PAPPA2: variants seen among roughly 807,000 people sequenced by gnomAD.
PAPPA2 encodes the protein pappalysin-2.
Under a neutral mutation model 176.4 loss-of-function variants are expected in PAPPA2, and 86 were observed. The ratio of observed to expected loss-of-function variants is 0.49; its 90% CI spans 0.41 to 0.58. The LOEUF (loss-of-function observed/expected upper bound fraction) is 0.58. Ranked by LOEUF, PAPPA2 falls within the 20% of genes least tolerant of loss-of-function variation. The probability of loss-of-function intolerance (pLI) is 0.00; values close to 1 mark genes in which losing one functional copy is unlikely to be tolerated. For synonymous variants in PAPPA2, 809 were observed against 852.2 expected, an observed-to-expected ratio of 0.95 and a Z score of 0.88; for missense variants, 2,073 against 2,256.9, an observed-to-expected ratio of 0.92 and a Z score of 1.65.
At chr1:176,475,568 A>C (rs1652075187) in intron 1 of PAPPA2, among the ~76,000 whole-genome samples, 1 of 152,212 alleles carries the variant, frequency 6.6e-6, no homozygotes, top group South Asian at 2.1e-4. Context: ...TTTTGTCCTT[A>C]TGGAGTCCTC....
chr1:176,769,525 A>G lies in PAPPA2; in HGVS notation c.4324-82A>G, dbSNP rs1664123611. 3 of 1,418,368 alleles carry G rather than the reference A, an allele frequency of 2.1e-6. No individual in the cohort carries two copies. The Admixed American group carries it at 6.1e-5, about 29-fold the overall frequency. The allele number at this position is 1,418,368 out of a possible 1,614,324, so 87.9% of individuals were successfully genotyped here. A position where few individuals can be genotyped will look rare whatever the true frequency, so the allele number is the denominator to read the frequency against. The stretch of plus-strand genomic sequence containing the variant: ...GTTTTAAATGTTTAGACAGATAATC[A>G]CCAAGACTCTTCTAAAGCCTGGAAA... On this transcript the variant is annotated intron_variant, in intron 15 of 22. Transcript: ENST00000367662.
chr1:176,673,126 A>G (rs977402288), intron 4 of PAPPA2, among the ~76,000 whole-genome samples: 3 of 152,156 alleles, frequency 2.0e-5, no homozygotes, highest in Admixed American at 6.6e-5. Context: ...CCTGCACTTC[A>G]TGGCTATTGG....
At chr1:176,840,736 T>C (rs962875049) in intron 22 of PAPPA2, among the ~76,000 whole-genome samples, 1 of 152,192 alleles carries the variant, frequency 6.6e-6, no homozygotes, top group African/African-American at 2.4e-5. Context: ...GATTGTCTCG[T>C]GAGCAATTAT....
intron 21 of PAPPA2, among the ~76,000 whole-genome samples, chr1:176,825,871 C>G (rs1011892312): frequency 6.6e-6 from 1 of 152,194 alleles, no homozygotes; most frequent in African/African-American, 2.4e-5. Flanking sequence ...CCCTCACAGA[C>G]AGAGAACCAT....
intron 2 of PAPPA2, among the ~76,000 whole-genome samples, chr1:176,573,020 T>G (rs1220250754): frequency 6.6e-6 from 1 of 152,146 alleles, no homozygotes; most frequent in Non-Finnish European, 1.5e-5. Context: ...TCCGGGAAAT[T>G]GGTGTGGTGC....
intron 14 of PAPPA2, among the ~76,000 whole-genome samples, chr1:176,762,026 T>A (rs893527276): frequency 6.6e-6 from 1 of 152,116 alleles, no homozygotes; most frequent in East Asian, 1.9e-4. Flanking sequence ...AGAAGCAGTG[T>A]TTGTAGTGGA....
chr1:176,692,305 G>A lies in PAPPA2; in HGVS notation c.2611G>A (p.Val871Ile), dbSNP rs1425405750. ...TIHWLPPISG[V>I]VYDRASGSLC... ...CCACTGGCTGCCTCCTATTAGTGGAGTTGTATATGACAGGTGAGAGAGGCA... is the reference window on the plus strand; with the variant it reads ...CCACTGGCTGCCTCCTATTAGTGGAATTGTATATGACAGGTGAGAGAGGCA... The change falls in exon 6 of 23, where the codon GTT (valine) becomes ATT (isoleucine). Residue 871 changes from valine (V) to isoleucine (I), a missense_variant. By Grantham distance (29) the Val-to-Ile change is conservative. Around this residue, in one of 4 missense-constraint regions of PAPPA2, gnomAD observed 1,196 missense variants for 1,330.4 expected, o/e 0.90. Coordinates refer to ENST00000367662, the MANE Select transcript of PAPPA2 (RefSeq NM_020318.3). The A allele has an allele frequency of 6.2e-7, 1 of 1,612,894 alleles. No homozygotes were observed. The highest frequency in any genetic ancestry group is 1.7e-5 in the Admixed American group (1 of 59,972).
chr1:176,747,220 C>T (rs966663998), intron 14 of PAPPA2, among the ~76,000 whole-genome samples: 1 of 152,176 alleles, frequency 6.6e-6, no homozygotes. Flanking sequence ...CTGGAATAAT[C>T]AAATAACAGC....
intron 21 of PAPPA2, among the ~76,000 whole-genome samples, chr1:176,825,379 T>A (rs1223823421): frequency 6.6e-6 from 1 of 152,228 alleles, no homozygotes; most frequent in Non-Finnish European, 1.5e-5. Context: ...ATGTGGTTCA[T>A]AAAGTAGCAA....
intron 7 of PAPPA2, 121 bp downstream of exon 7, chr1:176,695,980 G>GTT (rs1345563150): frequency 1.6e-6 from 1 of 642,600 alleles, no homozygotes; most frequent in African/African-American, 3.1e-5. Context: ...GTGTGTGTGT[G>GTT]TGTGTGTGTG....
rs763189708 is a variant in PAPPA2, at chr1:176,789,797, A to C, written c.4716-12A>C. The C allele has an allele frequency of 1.2e-6, 2 of 1,607,416 alleles. No homozygotes were observed. Among genetic ancestry groups the C allele is most frequent in the Non-Finnish European group, 1.7e-6 (2 of 1,176,704 alleles). On this transcript the variant is annotated splice_polypyrimidine_tract_variant and intron_variant, in intron 17 of 22. Coordinates refer to ENST00000367662, the MANE Select transcript of PAPPA2 (RefSeq NM_020318.3). ...GATTCTGATGAGCTATTTTTGTTTT[A>C]TGTTTTATCAGCAAGCTCCTGAAGA...
intron 14 of PAPPA2, among the ~76,000 whole-genome samples, chr1:176,752,450 CAT>C (rs1663229616): frequency 1.3e-5 from 2 of 150,096 alleles, no homozygotes; most frequent in Non-Finnish European, 3.0e-5. Flanking sequence ...TGAACATATA[CAT>C]ATAATTAACA....
At chr1:176,769,189 T>A (rs1390743031) in intron 15 of PAPPA2, among the ~76,000 whole-genome samples, 1 of 152,216 alleles carries the variant, frequency 6.6e-6, no homozygotes, top group Non-Finnish European at 1.5e-5. Flanking sequence ...ATCAGCACCC[T>A]GGCCTCCCTC....
chr1:176,495,248 A>T (rs1295516408), intron 1 of PAPPA2, among the ~76,000 whole-genome samples: 1 of 152,192 alleles, frequency 6.6e-6, no homozygotes, highest in Non-Finnish European at 1.5e-5. Flanking sequence ...TAAATCAGGA[A>T]ACTATAAAGA....
chr1:176,685,684 C>T (rs769065374), intron 4 of PAPPA2, among the ~76,000 whole-genome samples: 7 of 152,234 alleles, frequency 4.6e-5, no homozygotes, highest in Admixed American at 3.3e-4. Flanking sequence ...CCCCTCCTCC[C>T]CACCAGGGGA....
At chr1:176,789,671 G>T in intron 17 of PAPPA2, 138 bp from the exon 18 acceptor site, 1 of 840,974 alleles carries the variant, frequency 1.2e-6, no homozygotes. Context: ...ATTAGCCTAG[G>T]ACAGTGGGAC....
chr1:176,715,385 C>A (rs114715726), intron 12 of PAPPA2, among the ~76,000 whole-genome samples: 1 of 152,170 alleles, frequency 6.6e-6, no homozygotes, highest in Non-Finnish European at 1.5e-5. Flanking sequence ...CAGCCCCCTT[C>A]TAAAGAACAA....
intron 3 of PAPPA2, among the ~76,000 whole-genome samples, chr1:176,638,077 A>G (rs1330378824): frequency 6.6e-6 from 1 of 152,092 alleles, no homozygotes. Flanking sequence ...CTCAAAAAAC[A>G]TTTTTGAAAG....
intron 12 of PAPPA2, among the ~76,000 whole-genome samples, chr1:176,734,319 A>G (rs965932132): frequency 3.3e-5 from 5 of 151,780 alleles, no homozygotes; most frequent in African/African-American, 1.2e-4. Flanking sequence ...TTGAATGTCT[A>G]CCCCTAGTTC....
Sources: gnomAD v4.1 joint callset for allele counts (sites outside exome capture counted in the v4.1 genomes callset) on GRCh38, gnomAD v4.1.1 for gene constraint, gnomAD v4.1.1 regional missense constraint, MANE v1.5 for transcripts, NCBI Gene and HGNC (gene_info 2026-07-23, HGNC 2026-07-21) for gene names.